HIPK3: variants seen among roughly 807,000 people sequenced by gnomAD.
HIPK3 encodes the protein homeodomain interacting protein kinase 3.
HIPK3 carries 47 observed loss-of-function variants against 124.2 expected under a neutral mutation model. That is an observed-to-expected ratio of 0.38 (90% CI 0.30 to 0.48). The LOEUF is 0.48. Among genes scored for constraint, HIPK3 ranks in the 20% least tolerant of loss-of-function variants. The probability of loss-of-function intolerance (pLI) is 0.98; values close to 1 mark genes in which losing one functional copy is unlikely to be tolerated. For synonymous variants in HIPK3, 482 were observed against 515.2 expected, an observed-to-expected ratio of 0.94 and a Z score of 0.87; for missense variants, 1,286 against 1,454.3, an observed-to-expected ratio of 0.88 and a Z score of 1.88.
rs536214852 is a variant in HIPK3, at chr11:33,335,291, A to C, written c.1222-1784A>C. Among the ~76,000 whole-genome samples, 4 of 152,242 alleles carry C rather than the reference A, an allele frequency of 2.6e-5. No individual in the cohort carries two copies. The South Asian group carries it at 8.3e-4, about 32-fold the overall frequency. Reference sequence around the variant, plus strand: ...GTGGGCACTTAGGACTTGTAGAGGGAAAAAAGAAAGACAAGACTCTGGAAA... The same window carrying C: ...GTGGGCACTTAGGACTTGTAGAGGGCAAAAAGAAAGACAAGACTCTGGAAA... On this transcript the variant is annotated intron_variant, in intron 3 of 16. Transcript: ENST00000303296.
At chr11:33,326,980 C>G (rs539295880) in intron 2 of HIPK3, among the ~76,000 whole-genome samples, 1 of 152,206 alleles carries the variant, frequency 6.6e-6, no homozygotes, top group Admixed American at 6.5e-5. Context: ...CACGCCAAAT[C>G]TGGGAAAATC....
intron 8 of HIPK3, among the ~76,000 whole-genome samples, chr11:33,345,159 TA>T (rs1025638763): frequency 7.7e-4 from 117 of 152,222 alleles, no homozygotes; most frequent in African/African-American, 2.7e-3. Context: ...GTGCTTATTT[TA>T]AAAAGTCAGT....
chr11:33,292,534 A>AG (rs1344637439), intron 2 of HIPK3, among the ~76,000 whole-genome samples: 5 of 152,112 alleles, frequency 3.3e-5, no homozygotes, highest in African/African-American at 1.2e-4. Flanking sequence ...AGAGCACAGC[A>AG]GAGAAGGAGC....
intron 1 of HIPK3, among the ~76,000 whole-genome samples, chr11:33,261,326 A>G (rs959164270): frequency 1.3e-5 from 2 of 151,810 alleles, no homozygotes; most frequent in South Asian, 4.1e-4. Context: ...GACTAAGCCT[A>G]GTGCCCAATA....
In HIPK3 at chr11:33,304,426, G is replaced by A. The variant is rs1160317462; in HGVS notation, c.1097+16915G>A. Among the ~76,000 whole-genome samples the A allele has an allele frequency of 1.6e-4, 24 of 151,894 alleles. 1 individual carries two copies. The highest frequency in any genetic ancestry group is 1.3e-3 in the Admixed American group (20 of 15,268). ...TACAAAATTAGCTGGGCTTGGTGGCGCATGCCTGTAATCCCAGCTACTCGG... is the reference window on the plus strand; with the variant it reads ...TACAAAATTAGCTGGGCTTGGTGGCACATGCCTGTAATCCCAGCTACTCGG... On this transcript the variant is annotated intron_variant, in intron 2 of 16. Coordinates refer to ENST00000303296, the MANE Select transcript of HIPK3 (RefSeq NM_005734.5).
chr11:33,341,195 A>G (rs766128138), intron 7 of HIPK3, 68 bp downstream of exon 7: 3 of 1,154,254 alleles, frequency 2.6e-6, no homozygotes, highest in Non-Finnish European at 3.7e-6. Context: ...CTTTTGATAT[A>G]TACAGAAGTT....
At chr11:33,339,301 T>C (rs376796358) in intron 5 of HIPK3, 49 bp from the exon 6 acceptor site, 3 of 1,433,634 alleles carry the variant, frequency 2.1e-6, no homozygotes, top group Non-Finnish European at 1.9e-6. Context: ...TTTATACTAC[T>C]CTCTGTGACT....
intron 1 of HIPK3, among the ~76,000 whole-genome samples, chr11:33,259,761 T>C (rs368184033): frequency 2.0e-5 from 3 of 151,994 alleles, no homozygotes; most frequent in South Asian, 4.2e-4. Flanking sequence ...TTTGTACTTA[T>C]GGAAAAATTT....
rs1462125030 is a variant in HIPK3, at chr11:33,307,347, T to C, written c.1097+19836T>C. ...AACTTTTATAATATGAACACACTTA[T>C]ATAACCACTACCCAAGTCAAGTGTA... is the stretch of plus-strand genomic sequence containing the variant. On this transcript the variant is annotated intron_variant, in intron 2 of 16. Transcript: ENST00000303296. 2.6e-5 allele frequency among the ~76,000 whole-genome samples: 4 copies of C among 152,102 alleles called. No homozygotes were observed. The East Asian group carries it at 5.8e-4, about 22-fold the overall frequency.
Position 33,338,788 on chromosome 11 carries a change from T to A in HIPK3, c.1373T>A (p.Met458Lys). The change falls in exon 5 of 17, where the codon ATG (methionine) becomes AAG (lysine). Residue 458 changes from methionine to lysine, a missense_variant. By Grantham distance (95) the Met-to-Lys change is moderately conservative. This residue lies in a region of HIPK3 where 251 missense variants were observed against 349.1 expected (regional missense o/e 0.72). Transcript: ENST00000303296. The stretch of plus-strand genomic sequence containing the variant: ...GAAGAGCATGAGGCAGAGACAGGAA[T>A]GAAGTCTAAAGAAGCCAGAAAATAC... The part of the protein sequence containing the change: ...TLEEHEAETG[M>K]KSKEARKYIF... 2 of 1,612,574 alleles carry A rather than the reference T, an allele frequency of 1.2e-6. No individual in the cohort carries two copies. The highest frequency in any genetic ancestry group is 4.5e-5 in the East Asian group (2 of 44,812).
At position 33,302,212 on chromosome 11, in the gene HIPK3, T is replaced by TC. The variant is rs1300037577; in HGVS notation, c.1097+14703dup. ...TCTAGGTTCCTTCCTTCCCAATTTT[T>TC]CCTAACTGCCCTCCATTCCTTCCTG... On this transcript the variant is annotated intron_variant, in intron 2 of 16. Coordinates refer to ENST00000303296, the MANE Select transcript of HIPK3 (RefSeq NM_005734.5). Among the ~76,000 whole-genome samples the TC allele has an allele frequency of 3.3e-5, 5 of 152,276 alleles. No homozygotes were observed. The East Asian group carries it at 9.6e-4, about 29-fold the overall frequency.
chr11:33,300,432 G>A (rs926821688), intron 2 of HIPK3, among the ~76,000 whole-genome samples: 1 of 151,966 alleles, frequency 6.6e-6, no homozygotes, highest in African/African-American at 2.4e-5. Context: ...ATTAAGGTGA[G>A]ACCCTCCACC....
intron 2 of HIPK3, among the ~76,000 whole-genome samples, chr11:33,289,784 C>G (rs148822687): frequency 0.012 from 1,822 of 152,230 alleles, 40 homozygotes; most frequent in African/African-American, 0.041. Context: ...TAGTTGGACC[C>G]CTTAATCATC....
rs1049119954 is a variant in HIPK3, at chr11:33,299,857, C to T, written c.1097+12346C>T. On this transcript the variant is annotated intron_variant, in intron 2 of 16. Coordinates refer to ENST00000303296, the MANE Select transcript of HIPK3 (RefSeq NM_005734.5). ...TGGGCAATGTGGTGGGACCTCATCTCTACAAAAACACAAAAATTAGCTGAG... is the reference window on the plus strand; with the variant it reads ...TGGGCAATGTGGTGGGACCTCATCTTTACAAAAACACAAAAATTAGCTGAG... Among the ~76,000 whole-genome samples the T allele has an allele frequency of 3.3e-5, 5 of 151,658 alleles. No individual in the cohort carries two copies. The East Asian group carries it at 9.7e-4, about 29-fold the overall frequency.
intron 2 of HIPK3, among the ~76,000 whole-genome samples, chr11:33,290,740 T>G (rs779326487): frequency 6.6e-6 from 1 of 152,150 alleles, no homozygotes; most frequent in Non-Finnish European, 1.5e-5. Flanking sequence ...CTGAATATTT[T>G]ATGATACTGG....
intron 2 of HIPK3, among the ~76,000 whole-genome samples, chr11:33,293,967 G>A (rs1381356397): frequency 1.3e-5 from 2 of 152,048 alleles, no homozygotes; most frequent in Admixed American, 1.3e-4. Flanking sequence ...AGGAGTTCGA[G>A]TCCAGCCTGG....
At chr11:33,343,987 A>G (rs1853420532) in intron 8 of HIPK3, among the ~76,000 whole-genome samples, 1 of 152,218 alleles carries the variant, frequency 6.6e-6, no homozygotes, top group South Asian at 2.1e-4. Flanking sequence ...TGCTAACAAT[A>G]TAATGCTGTT....
chr11:33,284,637 G>A (rs141440744), intron 1 of HIPK3, among the ~76,000 whole-genome samples: 3 of 152,248 alleles, frequency 2.0e-5, no homozygotes, highest in Non-Finnish European at 4.4e-5. Context: ...CAGACTAGGC[G>A]AGACCTTGTT....
rs1851548374 is a variant in HIPK3 at position 33,286,310 on chromosome 11, T to G, written c.-2-103T>G. 2.8e-6 allele frequency: 3 copies of G among 1,071,324 alleles called. No homozygotes were observed. In the Admixed American group the frequency reaches 9.9e-5, roughly 35 times the overall value. 66.4% of individuals were successfully genotyped at this position (1,071,324 alleles called of 1,614,324 possible). A position where few individuals can be genotyped will look rare whatever the true frequency, so the allele number is the denominator to read the frequency against. ...TTTTTACAAATTGTGAATTTGACCC[T>G]TAAGAGTTTTCTTCCTGATATTTAA... On this transcript the variant is annotated intron_variant, in intron 1 of 16. Transcript: ENST00000303296.
Sources: allele counts gnomAD v4.1 joint callset (sites outside exome capture counted in the v4.1 genomes callset), GRCh38; gene constraint gnomAD v4.1.1; regional missense constraint gnomAD v4.1.1; transcripts MANE v1.5; gene names NCBI Gene and HGNC (gene_info 2026-07-23, HGNC 2026-07-21).